Variants in PRRC2C observed in about 807,000 individuals in gnomAD.
PRRC2C encodes protein PRRC2C.
A neutral mutation model predicts 317.2 loss-of-function variants in PRRC2C; 72 were observed. The observed-to-expected ratio is 0.23, with a 90% confidence interval of 0.19 to 0.28. The LOEUF is 0.28. Ranked by LOEUF, PRRC2C falls within the 10% of genes least tolerant of loss-of-function variation. PRRC2C has a pLI of 1.00. For synonymous variants in PRRC2C, 1,296 were observed against 1,205.9 expected, an observed-to-expected ratio of 1.07 and a Z score of -1.55; for missense variants, 3,074 against 3,459.7, an observed-to-expected ratio of 0.89 and a Z score of 2.80.
In PRRC2C at chr1:171,591,589, A is replaced by G. The variant is rs1356151399; in HGVS notation, c.8439A>G (p.Ala2813=). ...GTTGTTCTTTCTCATTTTTTAAGGC[A>G]AAGCAGAGAGCAGAGGTTCTTCAGT... ...AALKAEQDMK[A]KQRAEVLQST... The change falls in exon 35 of 35, where the codon GCA becomes GCG. Residue 2813 remains alanine (A), a splice_region_variant and synonymous_variant. Coordinates refer to ENST00000647382, the MANE Select transcript of PRRC2C (RefSeq NM_001387844.1). 6.2e-7 allele frequency: 1 copy of G among 1,611,434 alleles called. No individual in the cohort carries two copies. Among genetic ancestry groups the G allele is most frequent in the South Asian group, 1.1e-5 (1 of 90,876 alleles).
At chr1:171,565,226 T>C (rs980636831) in intron 20 of PRRC2C, among the ~76,000 whole-genome samples, 5 of 152,318 alleles carry the variant, frequency 3.3e-5, no homozygotes, top group African/African-American at 4.8e-5. Flanking sequence ...CTAAACTCTT[T>C]CCACTGATCT....
chr1:171,537,753 T>C (rs905628084), intron 15 of PRRC2C, among the ~76,000 whole-genome samples: 1 of 152,178 alleles, frequency 6.6e-6, no homozygotes, highest in African/African-American at 2.4e-5. Flanking sequence ...TTATTCAGGC[T>C]GGAGTGCGTT....
chr1:171,563,609 G>A (rs1468848841), intron 20 of PRRC2C, among the ~76,000 whole-genome samples: 3 of 152,060 alleles, frequency 2.0e-5, no homozygotes, highest in Admixed American at 2.0e-4. Flanking sequence ...ATAGCCTATA[G>A]GTGCTAAAAG....
chr1:171,531,758 G>A (rs991026623), intron 11 of PRRC2C, among the ~76,000 whole-genome samples: 5 of 152,090 alleles, frequency 3.3e-5, no homozygotes, highest in Admixed American at 6.5e-5. Flanking sequence ...TTCTAGATAC[G>A]CTTTTCTGGA....
At position 171,586,886 on chromosome 1, in the gene PRRC2C, G is replaced by C. The variant is rs548199130; in HGVS notation, c.7750-117G>C. 5 of 832,764 alleles carry C rather than the reference G, an allele frequency of 6.0e-6. 1 individual carries two copies. The highest frequency in any genetic ancestry group is 5.2e-5 in the South Asian group (3 of 57,524). 51.6% of individuals were successfully genotyped at this position (832,764 alleles called of 1,614,324 possible). ...CAGGCATGAGCCACTGCACCTGGCC[G>C]ATGTGTTCTGTTTGAAATCTTACTC... On this transcript the variant is annotated intron_variant, in intron 30 of 34. Transcript: ENST00000647382.
In PRRC2C at chr1:171,589,546, C is replaced by T. The variant is rs1446128409; in HGVS notation, c.8377C>T (p.Leu2793=). The change falls in exon 34 of 35, where the codon CTA becomes TTA. Residue 2793 remains leucine, a synonymous_variant. Transcript: ENST00000647382. The part of the protein sequence containing the change: ...PHVARGPCGS[L]SGVRGNQAQA... ...TGTAGCCAGGGGTCCTTGTGGATCA[C>T]TATCTGGAGTCAGAGGTAATCAGGC... 13 of 1,289,674 alleles carry T rather than the reference C, an allele frequency of 1.0e-5. No homozygotes were observed. Among genetic ancestry groups the T allele is most frequent in the Non-Finnish European group, 1.3e-5 (13 of 988,866 alleles). 79.9% of individuals were successfully genotyped at this position (1,289,674 alleles called of 1,614,324 possible).
chr1:171,501,456 A>G (rs1256347146), intron 1 of PRRC2C, among the ~76,000 whole-genome samples: 2 of 152,162 alleles, frequency 1.3e-5, no homozygotes, highest in African/African-American at 4.8e-5. Context: ...TGATACATCT[A>G]ATTACAATGA....
At chr1:171,567,001 A>G (rs1027669894) in intron 22 of PRRC2C, among the ~76,000 whole-genome samples, 158 bp downstream of exon 22, 1 of 152,240 alleles carries the variant, frequency 6.6e-6, no homozygotes, top group Non-Finnish European at 1.5e-5. Flanking sequence ...TTGCATATGT[A>G]ATCTAAAGAA....
rs1316250141 is a variant in PRRC2C, at chr1:171,557,472, T to C, written c.5360T>C (p.Val1787Ala). The C allele has an allele frequency of 6.4e-7, 1 of 1,551,220 alleles. No individual in the cohort carries two copies. Among genetic ancestry groups the C allele is most frequent in the Non-Finnish European group, 8.7e-7 (1 of 1,146,824 alleles). Reference sequence around the variant, plus strand: ...GTTCCAGCCTCAACCTCAGCTCCGGTTCCAGCCTCAACTTTAGCTCCAGTT... The same window carrying C: ...GTTCCAGCCTCAACCTCAGCTCCGGCTCCAGCCTCAACTTTAGCTCCAGTT... ...TPVPASTSAP[V>A]PASTLAPVLA... Residue 1787 changes from valine to alanine, a missense_variant, in exon 19 of 35, where the codon GTT (valine) becomes GCT (alanine). Physicochemically the swap from Val to Ala is moderately conservative, Grantham distance 64 (BLOSUM62 0). This residue lies in a region of PRRC2C where 640 missense variants were observed against 676.1 expected (regional missense o/e 0.95). Coordinates refer to ENST00000647382, the MANE Select transcript of PRRC2C (RefSeq NM_001387844.1).
At chr1:171,578,976 A>T (rs1647876633) in intron 26 of PRRC2C, among the ~76,000 whole-genome samples, 1 of 152,214 alleles carries the variant, frequency 6.6e-6, no homozygotes, top group Non-Finnish European at 1.5e-5. Flanking sequence ...AATCCTCTAA[A>T]TATTTTGCTA....
At chr1:171,508,479 G>T (rs1670674179) in intron 1 of PRRC2C, among the ~76,000 whole-genome samples, 1 of 152,118 alleles carries the variant, frequency 6.6e-6, no homozygotes, top group South Asian at 2.1e-4. Context: ...TGCATTCTAG[G>T]GATAAATCAA....
chr1:171,501,437 T>C (rs968031098), intron 1 of PRRC2C, among the ~76,000 whole-genome samples: 4 of 152,194 alleles, frequency 2.6e-5, no homozygotes, highest in Admixed American at 6.5e-5. Flanking sequence ...AGCTGAGGTG[T>C]ACCTGTTTTG....
At chr1:171,572,494 T>G (rs1360234609) in intron 24 of PRRC2C, among the ~76,000 whole-genome samples, 3 of 152,202 alleles carry the variant, frequency 2.0e-5, no homozygotes, top group Non-Finnish European at 2.9e-5. Flanking sequence ...TTTTGTCCCC[T>G]TATCTTTTCC....
chr1:171,576,717 A>G (rs1685757789), intron 25 of PRRC2C, among the ~76,000 whole-genome samples: 1 of 151,272 alleles, frequency 6.6e-6, no homozygotes, highest in South Asian at 2.2e-4. Flanking sequence ...TTAAGAGTTG[A>G]TGTCTTGCTC....
At chr1:171,563,244 C>T (rs1412016475) in intron 20 of PRRC2C, among the ~76,000 whole-genome samples, 2 of 152,172 alleles carry the variant, frequency 1.3e-5, no homozygotes, top group Non-Finnish European at 2.9e-5. Context: ...GCTCAAGTCT[C>T]ATATAAAATG....
At chr1:171,544,317 ATTCGCCATG>A (rs1294590518) in intron 16 of PRRC2C, among the ~76,000 whole-genome samples, 2 of 152,006 alleles carry the variant, frequency 1.3e-5, no homozygotes, top group Non-Finnish European at 2.9e-5. Flanking sequence ...AGAGACAGGG[ATTCGCCATG>A]TTTGCCAGGC....
At chr1:171,586,532 A>T (rs1366433060) in intron 30 of PRRC2C, among the ~76,000 whole-genome samples, 2 of 141,304 alleles carry the variant, frequency 1.4e-5, no homozygotes, top group African/African-American at 2.6e-5. Context: ...TAGTAGATGG[A>T]TGTGTTCTAT....
rs187445705 is a variant in PRRC2C at position 171,527,979 on chromosome 1, T to C, written c.1254+135T>C. ...TTTACCTTGTGACTCTTACATGTCT[T>C]ACTCTTCATCCTTTTCATTTTCATT... On this transcript the variant is annotated intron_variant, in intron 11 of 34. Coordinates refer to ENST00000647382, the MANE Select transcript of PRRC2C (RefSeq NM_001387844.1). 6.2e-4 allele frequency: 410 copies of C among 658,348 alleles called. 1 individual carries two copies. Among genetic ancestry groups the C allele is most frequent in the Non-Finnish European group, 9.7e-4 (364 of 374,978 alleles). The allele number at this position is 658,348 out of a possible 1,614,324, so 40.8% of individuals were successfully genotyped here.
rs779207528 is a variant in PRRC2C, at chr1:171,535,415, T to G, written c.1874-13T>G. On this transcript the variant is annotated splice_polypyrimidine_tract_variant and intron_variant, in intron 12 of 34. Transcript: ENST00000647382. ...AGATGAATACTATTACCTTTCACCT[T>G]TTCTTTGAGCAGAGGAGGAACCCGT... 2 of 1,607,034 alleles carry G rather than the reference T, an allele frequency of 1.2e-6. No homozygotes were observed. The highest frequency in any genetic ancestry group is 1.7e-6 in the Non-Finnish European group (2 of 1,177,364).
Sources: gnomAD v4.1 joint callset for allele counts (sites outside exome capture counted in the v4.1 genomes callset) on GRCh38, gnomAD v4.1.1 for gene constraint, gnomAD v4.1.1 regional missense constraint, MANE v1.5 for transcripts, NCBI Gene and HGNC (gene_info 2026-07-23, HGNC 2026-07-21) for gene names.